The following FBXO34 variants were observed in gnomAD, a reference collection of about 807,000 sequenced individuals.
The protein encoded by FBXO34 is F-box protein 34.
A neutral mutation model predicts 24.5 loss-of-function variants in FBXO34; 12 were observed. That is an observed-to-expected ratio of 0.49 (90% CI 0.31 to 0.79). FBXO34 has a LOEUF of 0.79. Among genes scored for constraint, FBXO34 ranks in the 30% least tolerant of loss-of-function variants. The pLI is 0.04. For missense variants in FBXO34, 823 were observed against 857.7 expected, an observed-to-expected ratio of 0.96 and a Z score of 0.51; for synonymous variants, 320 against 311.9, an observed-to-expected ratio of 1.03 and a Z score of -0.27.
chr14:55,426,061 G>C, the FBXO34 span, among the ~76,000 whole-genome samples: 1 of 152,124 alleles, frequency 6.6e-6, no homozygotes, highest in African/African-American at 2.4e-5. Flanking sequence ...GAGGTCAGGA[G>C]TTCAAGACCA....
downstream of FBXO34, chr14:55,369,845 T>C (rs746710588): frequency 1.2e-6 from 2 of 1,614,006 alleles, no homozygotes; most frequent in African/African-American, 1.3e-5. Flanking sequence ...ATCTCCGCTC[T>C]CATCTGATTC....
At chr14:55,411,858 T>G in the FBXO34 span, 1 of 1,541,926 alleles carries the variant, frequency 6.5e-7, no homozygotes, top group Non-Finnish European at 8.8e-7. Context: ...CGTGGGATTT[T>G]GTTTTCAACC....
At chr14:55,381,843 G>A in the FBXO34 span, 1 of 774,438 alleles carries the variant, frequency 1.3e-6, no homozygotes, top group Non-Finnish European at 2.1e-6. Flanking sequence ...TGGGAGCACA[G>A]TGCTGTGAAT....
At chr14:55,328,352 C>T (rs1420458577) in intron 1 of FBXO34, among the ~76,000 whole-genome samples, 3 of 152,174 alleles carry the variant, frequency 2.0e-5, no homozygotes, top group Non-Finnish European at 4.4e-5. Flanking sequence ...TGGCCAGCAT[C>T]ACTACTCTTG....
the FBXO34 span, chr14:55,381,815 G>C: frequency 1.5e-6 from 1 of 661,876 alleles, no homozygotes; most frequent in Non-Finnish European, 2.6e-6. Context: ...AAAATGTTTT[G>C]AAATGACATG....
the FBXO34 span, among the ~76,000 whole-genome samples, chr14:55,416,921 T>C: frequency 2.0e-5 from 3 of 152,208 alleles, no homozygotes; most frequent in Non-Finnish European, 4.4e-5. Context: ...ATAACACTTT[T>C]ATATTAAAAA....
intron 3 of FBXO34, among the ~76,000 whole-genome samples, chr14:55,359,898 A>AG (rs1232888190): frequency 1.4e-5 from 2 of 144,612 alleles, no homozygotes; most frequent in Admixed American, 7.0e-5. Flanking sequence ...TGGGCAACAT[A>AG]GGGAGACCTT....
intron 1 of FBXO34, among the ~76,000 whole-genome samples, chr14:55,350,160 TAAAAA>T (rs60811559): frequency 7.2e-6 from 1 of 139,056 alleles, no homozygotes; most frequent in African/African-American, 2.7e-5. Context: ...TTATTTTCTG[TAAAAA>T]AAAAAAAAAA....
chr14:55,399,680 G>A, the FBXO34 span, among the ~76,000 whole-genome samples: 1 of 152,314 alleles, frequency 6.6e-6, no homozygotes, highest in East Asian at 1.9e-4. Flanking sequence ...TTATATCAGT[G>A]AGACAACAGG....
At chr14:55,291,984 T>A (rs1012159205) in intron 1 of FBXO34, among the ~76,000 whole-genome samples, 1 of 147,888 alleles carries the variant, frequency 6.8e-6, no homozygotes, top group Admixed American at 6.6e-5. Context: ...AGAAAAAAAA[T>A]CAATTCATGT....
chr14:55,351,293 C>T lies in FBXO34; in HGVS notation c.903C>T (p.Ser301=). 6.2e-7 allele frequency: 1 copy of T among 1,614,140 alleles called. No homozygotes were observed. The highest frequency in any genetic ancestry group is 1.1e-5 in the South Asian group (1 of 91,078). ...GGCAGGGCCAGCGTGAGCCTGGGAG[C>T]CTCTCAAGGAATAACAGCTTCCGTC... The part of the protein sequence containing the change: ...LKRQGQREPG[S]LSRNNSFRRN... Residue 301 remains serine, a synonymous_variant, in exon 2 of 2, where the codon AGC becomes AGT. Coordinates refer to ENST00000313833, the MANE Select transcript of FBXO34 (RefSeq NM_017943.4).
At chr14:55,365,434 C>A (rs11158037), downstream of FBXO34, among the ~76,000 whole-genome samples, 45,815 of 151,800 alleles carry the variant, frequency 0.3, 7,218 homozygotes, top group Non-Finnish European at 0.33. Flanking sequence ...CTTACCAAGT[C>A]GGCTGGTGGT....
chr14:55,400,817 T>C, the FBXO34 span, among the ~76,000 whole-genome samples: 5 of 151,912 alleles, frequency 3.3e-5, no homozygotes, highest in Admixed American at 3.3e-4. Flanking sequence ...GGCAGGAGAA[T>C]TGCTTGAACC....
At chr14:55,376,600 CA>C in the FBXO34 span, among the ~76,000 whole-genome samples, 38 of 152,144 alleles carry the variant, frequency 2.5e-4, no homozygotes, top group Non-Finnish European at 5.3e-4. Flanking sequence ...TGGTTAAAAG[CA>C]GATTATCACT....
downstream of FBXO34, among the ~76,000 whole-genome samples, chr14:55,363,916 A>T (rs1884627346): frequency 6.6e-6 from 1 of 151,234 alleles, no homozygotes; most frequent in Non-Finnish European, 1.5e-5. Context: ...TTCAACACTT[A>T]ACTAGTGTCA....
chr14:55,440,683 T>C, the FBXO34 span: 3 of 1,030,068 alleles, frequency 2.9e-6, no homozygotes, highest in Non-Finnish European at 4.1e-6. Context: ...GAAGCGGAGA[T>C]GGGCTAGGGG....
the FBXO34 span, chr14:55,436,438 A>G: frequency 3.2e-6 from 3 of 930,002 alleles, no homozygotes; most frequent in Non-Finnish European, 4.8e-6. Context: ...GAACTGATAA[A>G]ACAAAGAATT....
the FBXO34 span, chr14:55,414,104 G>A: frequency 3.0e-5 from 17 of 560,898 alleles, no homozygotes; most frequent in Non-Finnish European, 4.8e-5. Flanking sequence ...AAAAGGAAAC[G>A]CATTGAGTCT....
At chr14:55,412,906 C>T in the FBXO34 span, among the ~76,000 whole-genome samples, 1 of 152,154 alleles carries the variant, frequency 6.6e-6, no homozygotes, top group Non-Finnish European at 1.5e-5. Context: ...TGATTTACAG[C>T]CAAGAGCCAT....
Sources: allele counts gnomAD v4.1 joint callset (sites outside exome capture counted in the v4.1 genomes callset), GRCh38; gene constraint gnomAD v4.1.1; transcripts MANE v1.5; gene names NCBI Gene and HGNC (gene_info 2026-07-23, HGNC 2026-07-21).